GTPBP1: variants seen among roughly 807,000 people sequenced by gnomAD.
GTPBP1 encodes GTP-binding protein 1.
GTPBP1 carries 23 observed loss-of-function variants against 62.0 expected under a neutral mutation model. The ratio of observed to expected loss-of-function variants is 0.37; its 90% CI spans 0.27 to 0.53. The LOEUF is 0.53. GTPBP1 is among the 20% of genes least tolerant of loss of function. The pLI, the probability that GTPBP1 is intolerant of heterozygous loss-of-function variation, is 0.89. For synonymous variants in GTPBP1, 344 were observed against 364.4 expected, an observed-to-expected ratio of 0.94 and a Z score of 0.64; for missense variants, 640 against 917.3, an observed-to-expected ratio of 0.70 and a Z score of 3.90.
At chr22:38,725,788 C>A (rs1803760916) in intron 6 of GTPBP1, 1 of 566,046 alleles carries the variant, frequency 1.8e-6, no homozygotes, top group Admixed American at 3.0e-5. Context: ...AGAGACAGAA[C>A]TGAGTGAGAG....
downstream of GTPBP1, chr22:38,738,144 A>G (rs747284430): frequency 1.2e-6 from 2 of 1,607,236 alleles, no homozygotes; most frequent in Non-Finnish European, 1.7e-6. This position sits in a 1 kb window ranked among gnomAD's most constrained non-coding sequence, Gnocchi z 6.6. Context: ...AGTCTGCGCC[A>G]CTTCTGCTAG....
intron 2 of GTPBP1, among the ~76,000 whole-genome samples, chr22:38,712,835 C>G (rs529288857): frequency 6.6e-6 from 1 of 152,350 alleles, no homozygotes; most frequent in East Asian, 1.9e-4. Flanking sequence ...TTCTCTAACC[C>G]TGAAGGCTTT....
chr22:38,739,097 C>T, downstream of GTPBP1: 1 of 1,146,816 alleles, frequency 8.7e-7, no homozygotes, highest in Admixed American at 2.0e-5. This position sits in a 1 kb window ranked among gnomAD's most constrained non-coding sequence, Gnocchi z 6.7. Context: ...CCAGGCCTAG[C>T]CTTTAACCCT....
downstream of GTPBP1, chr22:38,738,826 C>T (rs2092829470): frequency 6.3e-7 from 1 of 1,596,184 alleles, no homozygotes; most frequent in African/African-American, 1.3e-5. The surrounding 1 kb of genome is among the most constrained non-coding windows in gnomAD (Gnocchi z 6.6). Flanking sequence ...TGGGACCAGC[C>T]CTCAGTGTGC....
downstream of GTPBP1, chr22:38,736,196 CGTGTGGGGGAAGCGGCGGGGT>C: frequency 7.1e-7 from 1 of 1,414,518 alleles, no homozygotes; most frequent in Non-Finnish European, 1.0e-6. Context: ...GCCGAGCAAG[CGTGTGGGGGAAGCGGCGGGGT>C]GCTGTTCACC....
At chr22:38,717,023 A>G in intron 4 of GTPBP1, 23 bp downstream of exon 4, 1 of 1,467,860 alleles carries the variant, frequency 6.8e-7, no homozygotes, top group Non-Finnish European at 9.5e-7. Flanking sequence ...CGCCCCAAGG[A>G]GGGGAGGCGT....
chr22:38,706,427 C>G (rs2092604937), intron 1 of GTPBP1: 1 of 282,532 alleles, frequency 3.5e-6, no homozygotes, highest in Non-Finnish European at 6.6e-6. Flanking sequence ...GGCTCTGCCA[C>G]GTGGAACGGG....
downstream of GTPBP1, chr22:38,741,645 G>T: frequency 7.1e-7 from 1 of 1,409,140 alleles, no homozygotes; most frequent in Non-Finnish European, 1.0e-6. Context: ...GGAAGTGGCG[G>T]AACTGGAATT....
intron 10 of GTPBP1, chr22:38,728,819 CTG>C (rs2092740634): frequency 6.5e-6 from 1 of 153,316 alleles, no homozygotes; most frequent in Admixed American, 6.5e-5. Context: ...GCAGCAAACA[CTG>C]TAATGTCCTC....
rs1187788177 is a variant in GTPBP1 at position 38,731,011 on chromosome 22, TGTGTGTGTGTGTGTGTG to T, written c.*308_*324del. On this transcript the variant is annotated 3_prime_UTR_variant, in exon 12 of 12. Transcript: ENST00000216044. ...ATTATATGTCTCTGTCTCTCTCTAT[TGTGTGTGTGTGTGTGTG>T]TGTGTGTGTGTGTGTGTGTGTGGTG... The T allele has an allele frequency of 5.0e-5, 3 of 60,456 alleles. No individual in the cohort carries two copies. Among genetic ancestry groups the T allele is most frequent in the Non-Finnish European group, 7.2e-5 (2 of 27,844 alleles). 3.7% of individuals were successfully genotyped at this position (60,456 alleles called of 1,614,324 possible).
At chr22:38,712,171 G>A (rs376038402) in intron 2 of GTPBP1, among the ~76,000 whole-genome samples, 2 of 152,118 alleles carry the variant, frequency 1.3e-5, no homozygotes, top group African/African-American at 2.4e-5. Flanking sequence ...CACCGTGCCC[G>A]GCCAAGGAGT....
chr22:38,742,446 A>G, downstream of GTPBP1: 1 of 1,613,626 alleles, frequency 6.2e-7, no homozygotes. Flanking sequence ...CCGCAGCTCC[A>G]GACGTTCCAG....
At chr22:38,712,267 G>A (rs970220575) in intron 2 of GTPBP1, among the ~76,000 whole-genome samples, 4 of 152,154 alleles carry the variant, frequency 2.6e-5, no homozygotes, top group African/African-American at 9.7e-5. Flanking sequence ...GAATTTTCCA[G>A]GTAAATGGAG....
intron 4 of GTPBP1, among the ~76,000 whole-genome samples, chr22:38,720,649 A>G (rs2092695138): frequency 6.6e-6 from 1 of 152,182 alleles, no homozygotes; most frequent in Non-Finnish European, 1.5e-5. Context: ...TTTGTACAGC[A>G]CATTTCATAC....
rs1235084257 is a variant in GTPBP1 at position 38,716,182 on chromosome 22, C to T, written c.485+95C>T. The T allele has an allele frequency of 3.9e-6, 4 of 1,019,188 alleles. No individual in the cohort carries two copies. The highest frequency in any genetic ancestry group is 5.9e-6 in the Non-Finnish European group (4 of 675,056). The allele number at this position is 1,019,188 out of a possible 1,614,324, so 63.1% of individuals were successfully genotyped here. On this transcript the variant is annotated intron_variant, in intron 3 of 11. Transcript: ENST00000216044. The surrounding 1 kb of genome is among the most constrained non-coding windows in gnomAD (Gnocchi z 5.2). ...TGGCGTGTCAGCTCCATCCTTTCCC[C>T]TCCTGAGGCGGGGAAAGAGTGTCCA...
At position 38,727,528 on chromosome 22, in the gene GTPBP1, C is replaced by T. The variant is rs1205025430; in HGVS notation, c.1537+180C>T. On this transcript the variant is annotated intron_variant, in intron 9 of 11. Transcript: ENST00000216044. This position sits in a 1 kb window ranked among gnomAD's most constrained non-coding sequence, Gnocchi z 6.5. ...CGCAGTGTTGATTCCTTCCCACAAA[C>T]ACTGAGGGCTGGGCTCTTGAGACCC... is the stretch of plus-strand genomic sequence containing the variant. 1.3e-5 allele frequency among the ~76,000 whole-genome samples: 2 copies of T among 152,200 alleles called. No homozygotes were observed. Among genetic ancestry groups the T allele is most frequent in the Admixed American group, 1.3e-4 (2 of 15,282 alleles).
rs566299184 is a variant in GTPBP1 at position 38,726,661 on chromosome 22, G to T, written c.1401+221G>T. On this transcript the variant is annotated intron_variant, in intron 8 of 11. Coordinates refer to ENST00000216044, the MANE Select transcript of GTPBP1 (RefSeq NM_004286.5). The surrounding 1 kb of genome is among the most constrained non-coding windows in gnomAD (Gnocchi z 4.1). Reference sequence around the variant, plus strand: ...CGAGGAATGCCTCCTTCTAAGCTCCGTTCCTCCCTCTGGTGCCTGAGCAGG... The same window carrying T: ...CGAGGAATGCCTCCTTCTAAGCTCCTTTCCTCCCTCTGGTGCCTGAGCAGG... Among the ~76,000 whole-genome samples, 1 of 152,172 alleles carries T rather than the reference G, an allele frequency of 6.6e-6. No homozygotes were observed. Among genetic ancestry groups the T allele is most frequent in the Non-Finnish European group, 1.5e-5 (1 of 68,018 alleles).
intron 5 of GTPBP1, chr22:38,722,707 C>G: frequency 6.3e-7 from 1 of 1,598,254 alleles, no homozygotes; most frequent in Non-Finnish European, 8.5e-7. Flanking sequence ...TGTTTCTTCT[C>G]TGGGGTGAGA....
chr22:38,708,922 C>T lies in GTPBP1; in HGVS notation c.270C>T (p.Cys90=), dbSNP rs758217826. ...RQMWERMDEG[C]GETIYVIGQG... is the part of the protein sequence containing the mutation. ...TGTGGGAGAGGATGGACGAGGGATGCGGAGAGACCATATATGTCATTGGGC... is the reference window on the plus strand; with the variant it reads ...TGTGGGAGAGGATGGACGAGGGATGTGGAGAGACCATATATGTCATTGGGC... Residue 90 remains cysteine, a synonymous_variant, in exon 2 of 12, where the codon TGC becomes TGT. Transcript: ENST00000216044. 8.7e-6 allele frequency: 14 copies of T among 1,603,354 alleles called. No homozygotes were observed. Among genetic ancestry groups the T allele is most frequent in the South Asian group, 3.3e-5 (3 of 90,884 alleles).
Sources: allele counts gnomAD v4.1 joint callset (sites outside exome capture counted in the v4.1 genomes callset), GRCh38; gene constraint gnomAD v4.1.1; non-coding constraint Gnocchi (gnomAD v3.1); transcripts MANE v1.5; gene names NCBI Gene and HGNC (gene_info 2026-07-23, HGNC 2026-07-21).